NBEA: variants seen among roughly 807,000 people sequenced by gnomAD.
NBEA encodes lysosomal-trafficking regulator 2.
Under a neutral mutation model 343.4 loss-of-function variants are expected in NBEA, and 44 were observed. That is an observed-to-expected ratio of 0.13 (90% confidence interval 0.10 to 0.16). The LOEUF is 0.16. NBEA is among the 10% of genes least tolerant of loss of function. The pLI, the probability that NBEA is intolerant of heterozygous loss-of-function variation, is 1.00. For synonymous variants in NBEA, 1,175 were observed against 1,238.7 expected, an observed-to-expected ratio of 0.95 and a Z score of 1.08; for missense variants, 2,555 against 3,631.3, an observed-to-expected ratio of 0.70 and a Z score of 7.62.
chr13:35,115,539 A>G (rs777071954), intron 13 of NBEA, among the ~76,000 whole-genome samples: 1 of 151,980 alleles, frequency 6.6e-6, no homozygotes, highest in African/African-American at 2.4e-5. Flanking sequence ...TACTCTTGCT[A>G]TTTATGTATG....
intron 41 of NBEA, among the ~76,000 whole-genome samples, chr13:35,524,792 G>A (rs2000267): frequency 0.52 from 78,702 of 151,958 alleles, 22,742 homozygotes; most frequent in Non-Finnish European, 0.65. Context: ...CTAAATAAAG[G>A]CTTATTTACA....
At chr13:35,584,164 A>C in intron 46 of NBEA, 126 bp downstream of exon 46, 3 of 1,012,284 alleles carry the variant, frequency 3.0e-6, no homozygotes, top group Non-Finnish European at 3.0e-6. Context: ...GTAGAAATTA[A>C]AGATTTCAAA....
chr13:35,475,280 G>T, intron 41 of NBEA: 1 of 1,614,066 alleles, frequency 6.2e-7, no homozygotes, highest in Non-Finnish European at 8.5e-7. Context: ...TCCGACTCTC[G>T]GGGATGCTTT....
chr13:35,325,094 G>A (rs546199085), intron 36 of NBEA, among the ~76,000 whole-genome samples: 25 of 151,844 alleles, frequency 1.6e-4, no homozygotes, highest in South Asian at 4.2e-4. Flanking sequence ...AATGCTGATC[G>A]GGTTTTATAA....
At chr13:35,659,611 G>C (rs1200057123) in intron 55 of NBEA, among the ~76,000 whole-genome samples, 2 of 152,144 alleles carry the variant, frequency 1.3e-5, no homozygotes, top group African/African-American at 2.4e-5. Flanking sequence ...TGGTCACAAA[G>C]ATAATGAATA....
At chr13:35,665,047 T>C (rs980623177) in intron 55 of NBEA, 38 bp from the exon 56 acceptor site, 4 of 1,372,848 alleles carry the variant, frequency 2.9e-6, no homozygotes, top group African/African-American at 2.9e-5. Flanking sequence ...CCCCCTGCTA[T>C]TGGTCTGTAG....
intron 18 of NBEA, among the ~76,000 whole-genome samples, chr13:35,151,133 AAAG>A (rs982680120): frequency 3.9e-5 from 6 of 151,908 alleles, no homozygotes; most frequent in Admixed American, 3.3e-4. Flanking sequence ...AAAAAAAAGA[AAAG>A]AAATTTGTTA....
chr13:35,369,588 T>C (rs1471430432), intron 38 of NBEA, among the ~76,000 whole-genome samples: 1 of 151,908 alleles, frequency 6.6e-6, no homozygotes, highest in Non-Finnish European at 1.5e-5. Flanking sequence ...GTTTTCCTTA[T>C]AGAGGTTGTT....
At chr13:35,294,204 T>C (rs1015403592) in intron 35 of NBEA, among the ~76,000 whole-genome samples, 7 of 151,988 alleles carry the variant, frequency 4.6e-5, no homozygotes, top group Non-Finnish European at 1.0e-4. Context: ...AACCCAGGAC[T>C]TCTAAAGACA....
At chr13:35,057,109 G>A (rs2063297440) in intron 7 of NBEA, among the ~76,000 whole-genome samples, 1 of 152,092 alleles carries the variant, frequency 6.6e-6, no homozygotes, top group Non-Finnish European at 1.5e-5. Flanking sequence ...AAAGTGAAAG[G>A]TTTGTTTTAA....
In NBEA at chr13:35,173,582, A is replaced by C. The variant is rs1385630897; in HGVS notation, c.4542A>C (p.Thr1514=). The part of the protein sequence containing the change: ...PQEVPQSVTA[T]AASKTPLENV... ...AAGTTCCTCAAAGTGTGACTGCTAC[A>C]GCAGCTTCGAAGGTAAGTAAACTTT... is the stretch of plus-strand genomic sequence containing the variant. The change falls in exon 27 of 59, where the codon ACA becomes ACC. Residue 1514 remains threonine (T), a synonymous_variant. Coordinates refer to ENST00000379939, the MANE Select transcript of NBEA (RefSeq NM_001385012.1). 14 of 1,599,458 alleles carry C rather than the reference A, an allele frequency of 8.8e-6. No homozygotes were observed. Among genetic ancestry groups the C allele is most frequent in the Non-Finnish European group, 1.2e-5 (14 of 1,174,996 alleles).
intron 25 of NBEA, 87 bp from the exon 26 acceptor site, chr13:35,171,185 A>T: frequency 1.0e-6 from 1 of 977,720 alleles, no homozygotes; most frequent in Non-Finnish European, 1.6e-6. Flanking sequence ...TACTAAATTT[A>T]TGTTCACTTG....
chr13:35,123,428 G>GT, intron 16 of NBEA, 54 bp from the exon 17 acceptor site: 1 of 995,656 alleles, frequency 1.0e-6, no homozygotes, highest in Non-Finnish European at 1.4e-6. Flanking sequence ...CATGTAGTGT[G>GT]TTTTTGTTTT....
intron 17 of NBEA, among the ~76,000 whole-genome samples, chr13:35,133,731 A>G (rs1454589142): frequency 6.6e-6 from 1 of 152,084 alleles, no homozygotes; most frequent in Non-Finnish European, 1.5e-5. Context: ...AATTTCAAAA[A>G]TACGTGAAGA....
intron 48 of NBEA, among the ~76,000 whole-genome samples, chr13:35,614,090 C>A (rs570532161): frequency 3.8e-4 from 58 of 152,216 alleles, no homozygotes; most frequent in South Asian, 1.7e-3. Flanking sequence ...TTGCATTTTT[C>A]TGATGATTAG....
In NBEA at chr13:35,664,718, G is replaced by T. The variant is rs544367072; in HGVS notation, c.8363-367G>T. 4.6e-5 allele frequency among the ~76,000 whole-genome samples: 7 copies of T among 152,350 alleles called. 1 individual carries two copies. The highest frequency in any genetic ancestry group is 1.7e-4 in the African/African-American group (7 of 41,588). On this transcript the variant is annotated intron_variant, in intron 55 of 58. Coordinates refer to ENST00000379939, the MANE Select transcript of NBEA (RefSeq NM_001385012.1). ...AGGCTATAGACTAGGGATAGTAAGA[G>T]TTCCTACCTCATAGAGCATGACCAT...
chr13:35,368,153 A>T (rs991275637), intron 38 of NBEA, among the ~76,000 whole-genome samples: 1 of 151,482 alleles, frequency 6.6e-6, no homozygotes, highest in Non-Finnish European at 1.5e-5. Flanking sequence ...AAAATATATA[A>T]ATCAATTACT....
At chr13:35,371,456 C>CTGTT (rs201080966) in intron 38 of NBEA, among the ~76,000 whole-genome samples, 1,697 of 151,626 alleles carry the variant, frequency 0.011, 32 homozygotes, top group African/African-American at 0.038. Flanking sequence ...TTCAGGATTC[C>CTGTT]TGTTTGTTTG....
chr13:35,614,582 C>T (rs1187709633), intron 48 of NBEA, among the ~76,000 whole-genome samples: 1 of 152,164 alleles, frequency 6.6e-6, no homozygotes, highest in African/African-American at 2.4e-5. Flanking sequence ...TTTTGTAGCT[C>T]TGATAGGGAG....
Sources: gnomAD v4.1 joint callset for allele counts (sites outside exome capture counted in the v4.1 genomes callset) on GRCh38, gnomAD v4.1.1 for gene constraint, MANE v1.5 for transcripts, NCBI Gene and HGNC (gene_info 2026-07-23, HGNC 2026-07-21) for gene names.